The following BTD variants were observed in gnomAD, a reference collection of about 807,000 sequenced individuals.
BTD encodes biocytinase.
In BTD, 13 loss-of-function variants were observed where a neutral mutation model predicts 17.7. The observed-to-expected ratio is 0.74, with a 90% CI of 0.48 to 1.17. The LOEUF (loss-of-function observed/expected upper bound fraction) is 1.17. Ranked by LOEUF, BTD falls within the 50% of genes most tolerant of loss-of-function variation. BTD has a pLI of 0.00. For missense variants in BTD, 674 were observed against 650.4 expected (o/e 1.04, Z -0.39); for synonymous variants, 240 against 245.2 (o/e 0.98, Z 0.20).
At chr3:15,630,075 G>A (rs778398282) in intron 1 of BTD, 554 of 985,280 alleles carry the variant, frequency 5.6e-4, no homozygotes, top group Non-Finnish European at 6.4e-4. Context: ...CAGTCATATT[G>A]TATGAAATTG....
intron 1 of BTD, among the ~76,000 whole-genome samples, chr3:15,616,902 G>A (rs538461797): frequency 7.9e-5 from 12 of 151,726 alleles, no homozygotes; most frequent in African/African-American, 1.2e-4. Flanking sequence ...GTGCAATCTC[G>A]GCTCACTGCA....
At chr3:15,639,184 C>G (rs2065436768) in intron 2 of BTD, among the ~76,000 whole-genome samples, 1 of 151,878 alleles carries the variant, frequency 6.6e-6, no homozygotes. Context: ...TTACTCATCA[C>G]ATCAGACCCA....
chr3:15,630,165 G>T (rs773844480), intron 1 of BTD: 1 of 778,198 alleles, frequency 1.3e-6, no homozygotes, highest in Non-Finnish European at 1.6e-6. Context: ...TTGAAAGTCA[G>T]ATGCTTTCTG....
intron 4 of BTD, among the ~76,000 whole-genome samples, chr3:15,719,390 C>T (rs1051084669): frequency 6.6e-6 from 1 of 151,950 alleles, no homozygotes; most frequent in Non-Finnish European, 1.5e-5. Context: ...TTTCTTCATA[C>T]CACCAGATAC....
chr3:15,606,891 A>G (rs532948942), intron 1 of BTD: 3 of 151,928 alleles, frequency 2.0e-5, no homozygotes, highest in African/African-American at 7.2e-5. Context: ...ACAAATTCAT[A>G]AACTTTCTTA....
intron 2 of BTD, among the ~76,000 whole-genome samples, chr3:15,639,143 A>C (rs1056225069): frequency 1.1e-4 from 17 of 152,142 alleles, no homozygotes; most frequent in Non-Finnish European, 1.6e-4. Flanking sequence ...GAAGCCATTT[A>C]TCAAGAATGC....
chr3:15,681,682 A>G (rs1402005335), intron 3 of BTD, among the ~76,000 whole-genome samples: 2 of 152,196 alleles, frequency 1.3e-5, no homozygotes, highest in Admixed American at 6.5e-5. Flanking sequence ...TAATTTTTAG[A>G]AAAACCTGTA....
intron 3 of BTD, among the ~76,000 whole-genome samples, chr3:15,699,982 AC>A (rs2070315194): frequency 6.6e-6 from 1 of 152,226 alleles, no homozygotes; most frequent in Non-Finnish European, 1.5e-5. Flanking sequence ...CTTGGAACCA[AC>A]CCAAATGTCC....
At chr3:15,706,154 A>G (rs1357695159) in intron 3 of BTD, among the ~76,000 whole-genome samples, 2 of 152,068 alleles carry the variant, frequency 1.3e-5, no homozygotes, top group Non-Finnish European at 2.9e-5. Flanking sequence ...GGTTTGGCAC[A>G]TATGTATACA....
chr3:15,698,566 G>A (rs140064600), intron 3 of BTD, among the ~76,000 whole-genome samples: 2,783 of 152,160 alleles, frequency 0.018, 201 homozygotes, highest in Admixed American at 0.11. Context: ...ATCAATGTGC[G>A]AAAATCACAA....
rs540641302 is a variant in BTD, at chr3:15,601,866, A to G, written c.-45A>G. The G allele has an allele frequency of 3.7e-6, 6 of 1,614,164 alleles. No homozygotes were observed. Among genetic ancestry groups the G allele is most frequent in the South Asian group, 3.3e-5 (3 of 91,080 alleles). ...TAAAGGGAGAATGGCGCATGCGCAT[A>G]TTCAGGGCGGAAGGCGCGCTAAGAG... On this transcript the variant is annotated 5_prime_UTR_variant, in exon 1 of 4. The change creates a new upstream start codon in the 5' untranslated region. Transcript: ENST00000643237.
intron 2 of BTD, 58 bp from the exon 3 acceptor site, chr3:15,641,850 T>G: frequency 7.9e-7 from 1 of 1,261,106 alleles, no homozygotes; most frequent in East Asian, 2.4e-5. Flanking sequence ...AATGAATGAA[T>G]GCAGCGGTTC....
chr3:15,623,295 TATA>T (rs1404125915), intron 1 of BTD, among the ~76,000 whole-genome samples: 3 of 152,240 alleles, frequency 2.0e-5, no homozygotes, highest in Non-Finnish European at 1.5e-5. Context: ...CATGTGTCTT[TATA>T]AAGTGGGTTT....
In BTD at chr3:15,613,547, T is replaced by G. The variant is rs77942197; in HGVS notation, c.-17+11653T>G. On this transcript the variant is annotated intron_variant, in intron 1 of 3. Coordinates refer to ENST00000643237, the MANE Select transcript of BTD (RefSeq NM_001370658.1). ...CCCTCCTTACCTTCTCCTCTTCTCCTCCTTTCCTCCCCTTCTCCCCTTTTT... is the reference window on the plus strand; with the variant it reads ...CCCTCCTTACCTTCTCCTCTTCTCCGCCTTTCCTCCCCTTCTCCCCTTTTT... 4.5e-3 allele frequency among the ~76,000 whole-genome samples: 684 copies of G among 152,076 alleles called. 7 individuals are homozygous for G. The highest frequency in any genetic ancestry group is 0.015 in the South Asian group (73 of 4,806).
chr3:15,604,221 A>G (rs1422682123), intron 1 of BTD, among the ~76,000 whole-genome samples: 3 of 152,202 alleles, frequency 2.0e-5, no homozygotes, highest in Non-Finnish European at 4.4e-5. Context: ...AGGCATTTCC[A>G]TACATCCTCT....
chr3:15,654,398 A>C (rs1274675284), downstream of BTD, among the ~76,000 whole-genome samples: 7 of 152,158 alleles, frequency 4.6e-5, no homozygotes. Context: ...ACAGGTTTTC[A>C]GATGCTTCAC....
At chr3:15,702,273 TG>T (rs1225036895) in intron 3 of BTD, among the ~76,000 whole-genome samples, 1 of 152,180 alleles carries the variant, frequency 6.6e-6, no homozygotes, top group Non-Finnish European at 1.5e-5. Flanking sequence ...TCACTTACAG[TG>T]GTAAGTTAAC....
intron 3 of BTD, among the ~76,000 whole-genome samples, chr3:15,680,781 T>C (rs2067460522): frequency 6.6e-6 from 1 of 152,112 alleles, no homozygotes; most frequent in African/African-American, 2.4e-5. Flanking sequence ...TCCTCCCACC[T>C]CAGCCTCCTG....
chr3:15,714,498 C>A, downstream of BTD: 1 of 982,260 alleles, frequency 1.0e-6, no homozygotes, highest in Non-Finnish European at 1.5e-6. Context: ...TTCCTCAATA[C>A]CATTCATTTG....
Sources: allele counts gnomAD v4.1 joint callset (sites outside exome capture counted in the v4.1 genomes callset), GRCh38; gene constraint gnomAD v4.1.1; transcripts MANE v1.5; gene names NCBI Gene and HGNC (gene_info 2026-07-23, HGNC 2026-07-21).